DNER: variants seen among roughly 807,000 people sequenced by gnomAD.
DNER encodes the protein delta/notch like EGF repeat containing.
In DNER, 33 loss-of-function variants were observed where a neutral mutation model predicts 78.2. That is an observed-to-expected ratio of 0.42 (90% CI 0.32 to 0.56). The LOEUF is 0.56. Among genes scored for constraint, DNER ranks in the 20% least tolerant of loss-of-function variants. The pLI is 0.11. For missense variants in DNER, 918 were observed against 975.3 expected (o/e 0.94, Z 0.78); for synonymous variants, 417 against 384.8 (o/e 1.08, Z -0.98).
intron 10 of DNER, among the ~76,000 whole-genome samples, chr2:229,393,777 T>G (rs207672): frequency 0.68 from 103,611 of 151,798 alleles, 35,677 homozygotes; most frequent in East Asian, 0.91. Context: ...AACCTGGGAG[T>G]TGGAGCTTGC....
intron 7 of DNER, among the ~76,000 whole-genome samples, chr2:229,452,989 G>T (rs1211393373): frequency 6.6e-6 from 1 of 152,158 alleles, no homozygotes; most frequent in African/African-American, 2.4e-5. Flanking sequence ...ATATGTATGG[G>T]CCCTGTATAT....
chr2:229,619,263 T>G (rs189653112), intron 1 of DNER, among the ~76,000 whole-genome samples: 62 of 152,238 alleles, frequency 4.1e-4, no homozygotes, highest in African/African-American at 1.5e-3. Flanking sequence ...TATTGAATAA[T>G]TATGCACTGT....
At chr2:229,521,277 G>A (rs191873451) in intron 5 of DNER, among the ~76,000 whole-genome samples, 9 of 152,316 alleles carry the variant, frequency 5.9e-5, no homozygotes, top group Non-Finnish European at 8.8e-5. Context: ...GCCCTAAGCA[G>A]CCATCAGTGG....
chr2:229,591,375 T>G lies in DNER; in HGVS notation c.585+205A>C, dbSNP rs566327672. Among the ~76,000 whole-genome samples, 1 of 152,334 alleles carries G rather than the reference T, an allele frequency of 6.6e-6. No individual in the cohort carries two copies. Among genetic ancestry groups the G allele is most frequent in the East Asian group, 1.9e-4 (1 of 5,188 alleles). On this transcript the variant is annotated intron_variant, in intron 2 of 12. Transcript: ENST00000341772. The surrounding 1 kb of genome is among the most constrained non-coding windows in gnomAD (Gnocchi z 4.6). ...ATGTGGATACCATTCCAAAAAATAATTTGATTCATTTTTTTGTTTACTCTT... is the reference window on the plus strand; with the variant it reads ...ATGTGGATACCATTCCAAAAAATAAGTTGATTCATTTTTTTGTTTACTCTT...
At chr2:229,390,747 C>G (rs1482820964) in intron 10 of DNER, among the ~76,000 whole-genome samples, 1 of 152,244 alleles carries the variant, frequency 6.6e-6, no homozygotes. Flanking sequence ...AACCCTATGC[C>G]AGTCAGGGCC....
In DNER at chr2:229,682,637, C is replaced by T. The variant is rs541520930; in HGVS notation, c.276+31511G>A. Among the ~76,000 whole-genome samples, 6 of 152,282 alleles carry T rather than the reference C, an allele frequency of 3.9e-5. No homozygotes were observed. In the East Asian group the frequency reaches 1.2e-3, roughly 29 times the overall value. On this transcript the variant is annotated intron_variant, in intron 1 of 12. Transcript: ENST00000341772. ...TCGAGGCCGGCAGATCACCTGAGGT[C>T]AGGAGTTTGAAACCAGCCTGGCCAA...
intron 6 of DNER, among the ~76,000 whole-genome samples, chr2:229,490,526 A>C (rs1161048212): frequency 6.6e-6 from 1 of 152,182 alleles, no homozygotes; most frequent in Non-Finnish European, 1.5e-5. Flanking sequence ...TCCAGAATAA[A>C]TAAATCTATG....
chr2:229,482,575 G>A (rs1695187979), intron 6 of DNER, among the ~76,000 whole-genome samples: 1 of 152,142 alleles, frequency 6.6e-6, no homozygotes, highest in Non-Finnish European at 1.5e-5. Flanking sequence ...TCTGCTCATA[G>A]GCATCAGTAT....
chr2:229,620,129 C>G (rs556497810), intron 1 of DNER, among the ~76,000 whole-genome samples: 65 of 152,306 alleles, frequency 4.3e-4, no homozygotes, highest in Non-Finnish European at 3.8e-4. Context: ...GGATGGGCAC[C>G]CTCTCAGCCT....
rs1307119844 is a variant in DNER, at chr2:229,447,540, C to A, written c.1262G>T (p.Gly421Val). ...TTCTTCACAAGCAGATCCGAAGTAT[C>A]CTGTGAAAAAACACATGAGAGCTTA... ...LSGFTCQCPE[G>V]YFGSACEEKV... Residue 421 changes from glycine (G) to valine (V), a missense_variant and splice_region_variant, in exon 8 of 13, where the codon GGA (glycine) becomes GTA (valine). Physicochemically the swap from Gly to Val is moderately radical, Grantham distance 109 (BLOSUM62 -3). Transcript: ENST00000341772. The A allele has an allele frequency of 1.2e-6, 2 of 1,613,412 alleles. No individual in the cohort carries two copies. The highest frequency in any genetic ancestry group is 2.7e-5 in the African/African-American group (2 of 74,872).
intron 5 of DNER, among the ~76,000 whole-genome samples, chr2:229,526,586 T>C (rs1014573343): frequency 7.9e-5 from 12 of 152,212 alleles, no homozygotes; most frequent in African/African-American, 2.9e-4. Context: ...TAGATCCTCA[T>C]AAGGAGTGCA....
At chr2:229,527,107 T>C (rs1321318240) in intron 5 of DNER, among the ~76,000 whole-genome samples, 1 of 152,106 alleles carries the variant, frequency 6.6e-6, no homozygotes, top group Non-Finnish European at 1.5e-5. Context: ...GCTGCATAAC[T>C]GGGCTTTTGC....
intron 1 of DNER, among the ~76,000 whole-genome samples, chr2:229,647,311 G>A (rs1698736694): frequency 6.6e-6 from 1 of 152,094 alleles, no homozygotes; most frequent in African/African-American, 2.4e-5. Context: ...CAGGCCCGAG[G>A]GGACAGCAAG....
At chr2:229,366,029 G>T (rs899524915) in intron 12 of DNER, among the ~76,000 whole-genome samples, 5 of 152,152 alleles carry the variant, frequency 3.3e-5, no homozygotes, top group African/African-American at 9.7e-5. Flanking sequence ...TAAATATGGG[G>T]TTTTCTGTTC....
At chr2:229,660,211 T>G (rs539387041) in intron 1 of DNER, among the ~76,000 whole-genome samples, 1 of 152,286 alleles carries the variant, frequency 6.6e-6, no homozygotes, top group South Asian at 2.1e-4. Flanking sequence ...GTACAGATTA[T>G]TTCATCATGC....
intron 4 of DNER, among the ~76,000 whole-genome samples, chr2:229,559,401 A>T (rs1004650513): frequency 3.3e-5 from 5 of 152,218 alleles, no homozygotes; most frequent in Non-Finnish European, 5.9e-5. Context: ...GACCATCATC[A>T]TACTAGAAAA....
intron 1 of DNER, among the ~76,000 whole-genome samples, chr2:229,698,228 A>G (rs1359322876): frequency 1.3e-5 from 2 of 152,132 alleles, no homozygotes; most frequent in African/African-American, 2.4e-5. Context: ...GAAAACAATA[A>G]AAGAAAAAAA....
At chr2:229,409,774 A>C (rs1443501638) in intron 9 of DNER, among the ~76,000 whole-genome samples, 2 of 152,164 alleles carry the variant, frequency 1.3e-5, no homozygotes, top group Non-Finnish European at 2.9e-5. Flanking sequence ...CTTCACAGAA[A>C]CCTGATTACG....
intron 11 of DNER, 27 bp from the exon 12 acceptor site, chr2:229,367,146 G>A (rs1280107552): frequency 3.7e-6 from 6 of 1,613,106 alleles, no homozygotes; most frequent in Non-Finnish European, 5.1e-6. Context: ...GCAAATGGCT[G>A]GGTATGAGTT....
Sources: allele counts gnomAD v4.1 joint callset (sites outside exome capture counted in the v4.1 genomes callset), GRCh38; gene constraint gnomAD v4.1.1; non-coding constraint Gnocchi (gnomAD v3.1); transcripts MANE v1.5; gene names NCBI Gene and HGNC (gene_info 2026-07-23, HGNC 2026-07-21).